Variants in PROKR2 observed in about 807,000 individuals in gnomAD.
PROKR2 encodes the protein prokineticin receptor 2, also known as G protein-coupled receptor 73-like 1.
PROKR2 carries 26 observed loss-of-function variants against 23.4 expected under a neutral mutation model. That is an observed-to-expected ratio of 1.11 (90% CI 0.81 to 1.54). PROKR2 has a LOEUF of 1.54. PROKR2 is among the 40% of genes most tolerant of loss of function. The pLI, the probability that PROKR2 is intolerant of heterozygous loss-of-function variation, is 0.00. For synonymous variants in PROKR2, 212 were observed against 201.2 expected (o/e 1.05, Z -0.45); for missense variants, 453 against 511.5 (o/e 0.89, Z 1.10).
chr20:5,316,455 C>A lies in PROKR2; in HGVS notation c.-9+39G>T. 2.2e-6 allele frequency: 1 copy of A among 445,610 alleles called. No homozygotes were observed. Among genetic ancestry groups the A allele is most frequent in the South Asian group, 1.6e-5 (1 of 62,276 alleles). 27.6% of individuals were successfully genotyped at this position (445,610 alleles called of 1,614,324 possible). On this transcript the variant is annotated intron_variant, in intron 1 of 2. Transcript: ENST00000678254. The surrounding 1 kb of genome is among the most constrained non-coding windows in gnomAD (Gnocchi z 5.0). Reference sequence around the variant, plus strand: ...TTGTCCTAGCGACTCCCCCACCGCACCGACTGAGTCCCGGGACTGCAGGGA... The same window carrying A: ...TTGTCCTAGCGACTCCCCCACCGCAACGACTGAGTCCCGGGACTGCAGGGA...
chr20:5,315,235 G>GAATTCCATGCAAAAAAAAAAAAAAAA (rs1330572086), intron 1 of PROKR2, among the ~76,000 whole-genome samples: 5 of 150,076 alleles, frequency 3.3e-5, no homozygotes, highest in Non-Finnish European at 6.0e-5. Context: ...ACCAGCTCCA[G>GAATTCCATGCAAAAAAAAAAAAAAAA]AAAGAAATCC....
In PROKR2 at chr20:5,299,402, G is replaced by T. The variant is rs554572636; in HGVS notation, c.*2638C>A. On this transcript the variant is annotated 3_prime_UTR_variant, in exon 3 of 3. Coordinates refer to ENST00000678254, the MANE Select transcript of PROKR2 (RefSeq NM_144773.4). ...CTGCTGACAGACTTGACTGGTACAT[G>T]GTCCATTCCTAAAGAATCTCCTGAT... Among the ~76,000 whole-genome samples the T allele has an allele frequency of 3.4e-4, 52 of 152,086 alleles. No individual in the cohort carries two copies. The highest frequency in any genetic ancestry group is 9.4e-4 in the African/African-American group (39 of 41,506).
intron 2 of PROKR2, among the ~76,000 whole-genome samples, chr20:5,309,325 G>A (rs934402956): frequency 1.3e-5 from 2 of 152,184 alleles, no homozygotes; most frequent in Admixed American, 6.5e-5. Context: ...TTTTCACTGT[G>A]CTAAAATCAA....
At chr20:5,309,672 G>A (rs953697367) in intron 2 of PROKR2, among the ~76,000 whole-genome samples, 13 of 152,196 alleles carry the variant, frequency 8.5e-5, no homozygotes, top group Non-Finnish European at 5.9e-5. Flanking sequence ...TGGGGATTAG[G>A]ATGTGGTTAT....
At chr20:5,312,800 TG>T (rs1392104495) in intron 2 of PROKR2, among the ~76,000 whole-genome samples, 5 of 152,184 alleles carry the variant, frequency 3.3e-5, no homozygotes, top group Non-Finnish European at 7.3e-5. Context: ...ACAGAGCCAG[TG>T]ATGGCCCGAT....
Position 5,302,084 on chromosome 20 carries a change from C to A in PROKR2, c.1111G>T (p.Gly371Trp). 1 of 1,614,136 alleles carries A rather than the reference C, an allele frequency of 6.2e-7. No homozygotes were observed. The highest frequency in any genetic ancestry group is 8.5e-7 in the Non-Finnish European group (1 of 1,180,024). Residue 371 changes from glycine (G) to tryptophan (W), a missense_variant, in exon 3 of 3, where the codon GGG (glycine) becomes TGG (tryptophan). Coordinates refer to ENST00000678254, the MANE Select transcript of PROKR2 (RefSeq NM_144773.4). Reference protein sequence around the residue: ...SSADLDLRTNGVPTTEEVDCI... With the variant: ...SSADLDLRTNWVPTTEEVDCI... ...TCCACCTCTTCTGTGGTGGGCACCC[C>A]GTTGGTTCTGAGGTCAAGGTCAGCA...
At chr20:5,311,912 T>C (rs1485999958) in intron 2 of PROKR2, among the ~76,000 whole-genome samples, 4 of 152,250 alleles carry the variant, frequency 2.6e-5, no homozygotes, top group Admixed American at 6.5e-5. Flanking sequence ...CTTGTGATCA[T>C]GTGAGTTAAT....
chr20:5,306,491 G>C (rs1979224521), intron 2 of PROKR2, among the ~76,000 whole-genome samples: 1 of 152,238 alleles, frequency 6.6e-6, no homozygotes, highest in Non-Finnish European at 1.5e-5. Context: ...AATTCCTGCA[G>C]TAAACAACCT....
At position 5,301,749 on chromosome 20, in the gene PROKR2, G is replaced by GTGGTT. The variant is rs1352908257; in HGVS notation, c.*286_*290dup. Reference sequence around the variant, plus strand: ...GCTGTCCCTGTCTAATCTCATTGGTGTGGTTTGCACACAGTACATGTTCAG... The same window carrying GTGGTT: ...GCTGTCCCTGTCTAATCTCATTGGTGTGGTTTGGTTTGCACACAGTACATGTTCAG... On this transcript the variant is annotated 3_prime_UTR_variant, in exon 3 of 3. Transcript: ENST00000678254. Among the ~76,000 whole-genome samples, 133 of 152,324 alleles carry GTGGTT rather than the reference G, an allele frequency of 8.7e-4. 1 individual carries two copies. Among genetic ancestry groups the GTGGTT allele is most frequent in the African/African-American group, 3.1e-3 (130 of 41,572 alleles).
Position 5,316,116 on chromosome 20 carries a change from G to A in PROKR2, c.-9+378C>T. 1 of 456,718 alleles carries A rather than the reference G, an allele frequency of 2.2e-6. No individual in the cohort carries two copies. Among genetic ancestry groups the A allele is most frequent in the South Asian group, 1.5e-5 (1 of 64,572 alleles). The allele number at this position is 456,718 out of a possible 1,614,324, so 28.3% of individuals were successfully genotyped here. On this transcript the variant is annotated intron_variant, in intron 1 of 2. Coordinates refer to ENST00000678254, the MANE Select transcript of PROKR2 (RefSeq NM_144773.4). The surrounding 1 kb of genome is among the most constrained non-coding windows in gnomAD (Gnocchi z 5.0). The stretch of plus-strand genomic sequence containing the variant: ...GGCTGGAAGAAAACGGCGGGTGGGT[G>A]GAGGATGCGGTGCGCGGGAATTTCC...
chr20:5,307,096 G>A (rs968989020), intron 2 of PROKR2, among the ~76,000 whole-genome samples: 5 of 152,030 alleles, frequency 3.3e-5, no homozygotes, highest in East Asian at 1.9e-4. Flanking sequence ...GGAGGATCCC[G>A]AGGACCCCCC....
Position 5,316,833 on chromosome 20 carries a change from A to C in PROKR2, c.-348T>G, listed in dbSNP as rs1979700550. Among the ~76,000 whole-genome samples the C allele has an allele frequency of 6.6e-6, 1 of 152,146 alleles. No individual in the cohort carries two copies. On this transcript the variant is annotated 5_prime_UTR_variant, in exon 1 of 3. Transcript: ENST00000678254. The surrounding 1 kb of genome is among the most constrained non-coding windows in gnomAD (Gnocchi z 5.0). Reference sequence around the variant, plus strand: ...GGTGGATGCCCAGCTCCCCCACCCCACCGCGTGCTCTCGGGCTGGTGCGTC... The same window carrying C: ...GGTGGATGCCCAGCTCCCCCACCCCCCCGCGTGCTCTCGGGCTGGTGCGTC...
chr20:5,300,623 G>A lies in PROKR2; in HGVS notation c.*1417C>T, dbSNP rs369195538. ...ATGAAGAGCGGATATTTTCATCATC[G>A]CCATTTCATTAAAGCAAAACTGAGA... On this transcript the variant is annotated 3_prime_UTR_variant, in exon 3 of 3. Coordinates refer to ENST00000678254, the MANE Select transcript of PROKR2 (RefSeq NM_144773.4). Among the ~76,000 whole-genome samples, 13 of 152,106 alleles carry A rather than the reference G, an allele frequency of 8.5e-5. No individual in the cohort carries two copies. Among genetic ancestry groups the A allele is most frequent in the African/African-American group, 3.1e-4 (13 of 41,394 alleles).
chr20:5,302,396 G>C lies in PROKR2; in HGVS notation c.799C>G (p.Leu267Val). 1 of 1,614,238 alleles carries C rather than the reference G, an allele frequency of 6.2e-7. No individual in the cohort carries two copies. Among genetic ancestry groups the C allele is most frequent in the Non-Finnish European group, 8.5e-7 (1 of 1,180,048 alleles). The change falls in exon 3 of 3, where the codon CTG (leucine) becomes GTG (valine). Residue 267 changes from leucine to valine, a missense_variant. Transcript: ENST00000678254. Reference sequence around the variant, plus strand: ...AGGACCGTCTTCCTGCGGCAGCGCAGCCGCTTGCGAATCTGCTCCGTCTGG... The same window carrying C: ...AGGACCGTCTTCCTGCGGCAGCGCACCCGCTTGCGAATCTGCTCCGTCTGG... The part of the protein sequence containing the change: ...GFQTEQIRKR[L>V]RCRRKTVLVL...
intron 1 of PROKR2, chr20:5,315,582 G>C (rs1979634818): frequency 3.2e-6 from 1 of 310,062 alleles, no homozygotes; most frequent in Non-Finnish European, 6.3e-6. Context: ...GGGTAGCAAG[G>C]AGATGACCCA....
intron 2 of PROKR2, among the ~76,000 whole-genome samples, chr20:5,312,818 C>T (rs923415089): frequency 6.6e-6 from 1 of 152,172 alleles, no homozygotes; most frequent in African/African-American, 2.4e-5. Context: ...CGATGCTGGC[C>T]TGCAACTGTT....
chr20:5,316,363 A>G lies in PROKR2; in HGVS notation c.-9+131T>C. ...GCCTGCTTGGAGCCAGCCCCGACGC[A>G]TATCTCGAGAGTGGCGGGAGGCAAA... On this transcript the variant is annotated intron_variant, in intron 1 of 2. Transcript: ENST00000678254. This position sits in a 1 kb window ranked among gnomAD's most constrained non-coding sequence, Gnocchi z 5.0. 2.2e-6 allele frequency: 1 copy of G among 456,700 alleles called. No individual in the cohort carries two copies. The highest frequency in any genetic ancestry group is 1.5e-5 in the South Asian group (1 of 64,570). The allele number at this position is 456,700 out of a possible 1,614,324, so 28.3% of individuals were successfully genotyped here.
Position 5,299,344 on chromosome 20 carries a change from A to G in PROKR2, c.*2696T>C, listed in dbSNP as rs1209231215. Among the ~76,000 whole-genome samples the G allele has an allele frequency of 6.6e-6, 1 of 152,150 alleles. No homozygotes were observed. The highest frequency in any genetic ancestry group is 1.5e-5 in the Non-Finnish European group (1 of 68,022). ...AATTTCAATGAAAGGAAGTTGGTAT[A>G]TTCTAGGACAAAAAGGAACAGGGTG... On this transcript the variant is annotated 3_prime_UTR_variant, in exon 3 of 3. Coordinates refer to ENST00000678254, the MANE Select transcript of PROKR2 (RefSeq NM_144773.4).
Position 5,314,093 on chromosome 20 carries a change from C to T in PROKR2, c.277G>A (p.Ala93Thr). 1 of 1,614,154 alleles carries T rather than the reference C, an allele frequency of 6.2e-7. No homozygotes were observed. Among genetic ancestry groups the T allele is most frequent in the Non-Finnish European group, 8.5e-7 (1 of 1,180,032 alleles). ...AGGAAGTCGGAGATGGCCAGGTTGGCAATGAGCAGATTGGTGAGGTTGCGC... is the reference window on the plus strand; with the variant it reads ...AGGAAGTCGGAGATGGCCAGGTTGGTAATGAGCAGATTGGTGAGGTTGCGC... ...KLRNLTNLLI[A>T]NLAISDFLVA... is the part of the protein sequence containing the mutation. Residue 93 changes from alanine (A) to threonine (T), a missense_variant, in exon 2 of 3, where the codon GCC (alanine) becomes ACC (threonine). Transcript: ENST00000678254.
Sources: allele counts gnomAD v4.1 joint callset (sites outside exome capture counted in the v4.1 genomes callset), GRCh38; gene constraint gnomAD v4.1.1; non-coding constraint Gnocchi (gnomAD v3.1); transcripts MANE v1.5; gene names NCBI Gene and HGNC (gene_info 2026-07-23, HGNC 2026-07-21).